Variants in SLC8B1 observed in about 807,000 individuals in gnomAD.
SLC8B1 encodes mitochondrial sodium/calcium exchanger protein.
Under a neutral mutation model 63.4 loss-of-function variants are expected in SLC8B1, and 52 were observed. That is an observed-to-expected ratio of 0.82 (90% confidence interval 0.66 to 1.03). SLC8B1 has a LOEUF of 1.03. Among genes scored for constraint, SLC8B1 ranks in the 50% least tolerant of loss-of-function variants. The pLI, the probability that SLC8B1 is intolerant of heterozygous loss-of-function variation, is 0.00. For missense variants in SLC8B1, 657 were observed against 741.7 expected, an observed-to-expected ratio of 0.89 and a Z score of 1.33; for synonymous variants, 336 against 323.9, an observed-to-expected ratio of 1.04 and a Z score of -0.40.
chr12:113,307,045 A>C (rs1266249840), intron 13 of SLC8B1, among the ~76,000 whole-genome samples: 1 of 132,954 alleles, frequency 7.5e-6, no homozygotes, highest in African/African-American at 2.8e-5. Context: ...TGGGAGGCAG[A>C]GGTTGCAGTG....
chr12:113,307,271 A>G (rs1186098785), intron 13 of SLC8B1, among the ~76,000 whole-genome samples: 1 of 152,018 alleles, frequency 6.6e-6, no homozygotes, highest in Non-Finnish European at 1.5e-5. Flanking sequence ...CAGCTCCCTC[A>G]TCCTCTTGTC....
Position 113,316,599 on chromosome 12 carries a change from C to G in SLC8B1, c.920G>C (p.Arg307Pro). 1 of 1,614,182 alleles carries G rather than the reference C, an allele frequency of 6.2e-7. No homozygotes were observed. The highest frequency in any genetic ancestry group is 8.5e-7 in the Non-Finnish European group (1 of 1,180,028). Residue 307 changes from arginine to proline, a missense_variant, in exon 10 of 16, where the codon CGG (arginine) becomes CCG (proline). Physicochemically the swap from Arg to Pro is moderately radical, Grantham distance 103 (BLOSUM62 -2). Coordinates refer to ENST00000680972, the MANE Select transcript of SLC8B1 (RefSeq NM_001358345.2). The part of the protein sequence containing the change: ...YQETTAQILV[R>P]ALNPLDYMKW... Reference sequence around the variant, plus strand: ...CATGTAATCCAGGGGATTGAGGGCCCGGACCAGGATCTGAGCCGTGGTCTC... The same window carrying G: ...CATGTAATCCAGGGGATTGAGGGCCGGGACCAGGATCTGAGCCGTGGTCTC...
chr12:113,324,112 G>C (rs79557981), intron 2 of SLC8B1, among the ~76,000 whole-genome samples: 8,101 of 152,054 alleles, frequency 0.053, 296 homozygotes, highest in East Asian at 0.17. Flanking sequence ...AGGAGTTTGA[G>C]ACCAACTTGG....
chr12:113,333,374 G>T (rs1237630819), intron 1 of SLC8B1, among the ~76,000 whole-genome samples: 2 of 152,234 alleles, frequency 1.3e-5, no homozygotes, highest in Admixed American at 1.3e-4. Context: ...TCTAGGGGTG[G>T]ACTTGGCCTC....
chr12:113,315,225 G>A, intron 11 of SLC8B1, 110 bp downstream of exon 11: 1 of 1,158,790 alleles, frequency 8.6e-7, no homozygotes, highest in Non-Finnish European at 1.2e-6. Flanking sequence ...GGTGGAGGGA[G>A]GTTGCAGTGA....
chr12:113,332,610 C>T (rs750163106), intron 2 of SLC8B1, 113 bp downstream of exon 2: 205 of 1,277,184 alleles, frequency 1.6e-4, no homozygotes, highest in Middle Eastern at 2.1e-4. Context: ...TATTGTTCCC[C>T]GGTATATCCC....
intron 2 of SLC8B1, among the ~76,000 whole-genome samples, chr12:113,329,074 C>A (rs1957028541): frequency 6.6e-6 from 1 of 152,144 alleles, no homozygotes; most frequent in South Asian, 2.1e-4. Flanking sequence ...TGCTTAATAT[C>A]TGCCCCTCCC....
Position 113,300,112 on chromosome 12 carries a change from G to A in SLC8B1, c.1558-138C>T, listed in dbSNP as rs193236917. 1,361 of 630,848 alleles carry A rather than the reference G, an allele frequency of 2.2e-3. 11 individuals carry two copies. The highest frequency in any genetic ancestry group is 0.021 in the African/African-American group (1,109 of 52,636). 39.1% of individuals were successfully genotyped at this position (630,848 alleles called of 1,614,324 possible). ...CAGCCTCAGCAACAATGCAGCCTCA[G>A]CAACAATGCAGCCTCAACAACAATC... On this transcript the variant is annotated intron_variant, in intron 15 of 15. Coordinates refer to ENST00000680972, the MANE Select transcript of SLC8B1 (RefSeq NM_001358345.2).
At chr12:113,331,256 G>A (rs1226249755) in intron 2 of SLC8B1, among the ~76,000 whole-genome samples, 1 of 152,062 alleles carries the variant, frequency 6.6e-6, no homozygotes, top group African/African-American at 2.4e-5. Context: ...AGGTGTGGTG[G>A]TGTGCACCTG....
At chr12:113,326,699 G>A (rs1180607268) in intron 2 of SLC8B1, among the ~76,000 whole-genome samples, 1 of 144,112 alleles carries the variant, frequency 6.9e-6, no homozygotes, top group Non-Finnish European at 1.5e-5. Context: ...TTTTTTTTGA[G>A]ACAAGGTCTC....
In SLC8B1 at chr12:113,320,158, T is replaced by C. The variant is rs1956900904; in HGVS notation, c.694+173A>G. On this transcript the variant is annotated intron_variant, in intron 7 of 15. Coordinates refer to ENST00000680972, the MANE Select transcript of SLC8B1 (RefSeq NM_001358345.2). The surrounding 1 kb of genome is among the most constrained non-coding windows in gnomAD (Gnocchi z 5.3). ...CAGCTCTGCCAGGCCTCTTTGGTTA[T>C]GTGACCCACATGTTCCCATTTTTGC... The C allele has an allele frequency of 1.3e-6, 1 of 746,428 alleles. No homozygotes were observed. The highest frequency in any genetic ancestry group is 2.2e-6 in the Non-Finnish European group (1 of 464,490). The allele number at this position is 746,428 out of a possible 1,614,324, so 46.2% of individuals were successfully genotyped here. A position where few individuals can be genotyped will look rare whatever the true frequency, so the allele number is the denominator to read the frequency against.
chr12:113,301,461 C>T (rs1956586525), intron 15 of SLC8B1, among the ~76,000 whole-genome samples: 1 of 151,504 alleles, frequency 6.6e-6, no homozygotes, highest in South Asian at 2.1e-4. Context: ...CTCAGCCTCC[C>T]GAGTAGCTGG....
In SLC8B1 at chr12:113,320,192, G is replaced by C. The variant is rs2136852751; in HGVS notation, c.694+139C>G. On this transcript the variant is annotated intron_variant, in intron 7 of 15. Coordinates refer to ENST00000680972, the MANE Select transcript of SLC8B1 (RefSeq NM_001358345.2). The surrounding 1 kb of genome is among the most constrained non-coding windows in gnomAD (Gnocchi z 5.3). ...CATGTTCCCATTTTTGCTCAAGCCA[G>C]CTTGAGGAGGGTTTCTGTCACTTGT... The C allele has an allele frequency of 1.8e-6, 2 of 1,100,212 alleles. No individual in the cohort carries two copies. Among genetic ancestry groups the C allele is most frequent in the South Asian group, 1.5e-5 (1 of 65,020 alleles). The allele number at this position is 1,100,212 out of a possible 1,614,324, so 68.2% of individuals were successfully genotyped here. A position where few individuals can be genotyped will look rare whatever the true frequency, so the allele number is the denominator to read the frequency against.
chr12:113,316,048 C>T (rs1375232984), intron 10 of SLC8B1, among the ~76,000 whole-genome samples: 3 of 152,082 alleles, frequency 2.0e-5, no homozygotes, highest in Middle Eastern at 3.2e-3. Context: ...CACGGTGAAA[C>T]CCCGTCTCTA....
chr12:113,333,678 G>C (rs554055279), intron 1 of SLC8B1, among the ~76,000 whole-genome samples: 9 of 151,724 alleles, frequency 5.9e-5, no homozygotes, highest in African/African-American at 2.2e-4. Context: ...ACCCTGCACA[G>C]CAGGGAGAGG....
At chr12:113,324,402 CTTTTT>C (rs780610962) in intron 2 of SLC8B1, among the ~76,000 whole-genome samples, 1 of 130,830 alleles carries the variant, frequency 7.6e-6, no homozygotes, top group African/African-American at 2.9e-5. Flanking sequence ...TCAGCTCTAC[CTTTTT>C]TTTTTTTTTT....
At chr12:113,307,924 G>A in intron 12 of SLC8B1, 80 bp from the exon 13 acceptor site, 1 of 1,513,240 alleles carries the variant, frequency 6.6e-7, no homozygotes, top group Non-Finnish European at 8.9e-7. Context: ...TGTGAAACGG[G>A]ATGATAACAG....
chr12:113,322,141 T>TA (rs1209367367), intron 2 of SLC8B1, among the ~76,000 whole-genome samples: 2 of 151,932 alleles, frequency 1.3e-5, no homozygotes, highest in African/African-American at 4.8e-5. Flanking sequence ...GAGGCTGCAA[T>TA]ACTGCATTTA....
chr12:113,317,629 C>T (rs1466603146), intron 8 of SLC8B1, among the ~76,000 whole-genome samples: 1 of 152,192 alleles, frequency 6.6e-6, no homozygotes, highest in South Asian at 2.1e-4. Context: ...TGCTGAGAGG[C>T]CTGGGACCTG....
Sources: gnomAD v4.1 joint callset for allele counts (sites outside exome capture counted in the v4.1 genomes callset) on GRCh38, gnomAD v4.1.1 for gene constraint, Gnocchi (gnomAD v3.1) non-coding constraint, MANE v1.5 for transcripts, NCBI Gene and HGNC (gene_info 2026-07-23, HGNC 2026-07-21) for gene names.